Variants in CHST3 observed in about 807,000 individuals in gnomAD.
CHST3 encodes the protein carbohydrate sulfotransferase 3.
Under a neutral mutation model 35.4 loss-of-function variants are expected in CHST3, and 20 were observed. That is an observed-to-expected ratio of 0.57 (90% CI 0.40 to 0.82). CHST3 has a LOEUF of 0.82. CHST3 is among the 40% of genes least tolerant of loss of function. The probability of loss-of-function intolerance (pLI) is 0.00; values close to 1 mark genes in which losing one functional copy is unlikely to be tolerated. For synonymous variants in CHST3, 334 were observed against 295.9 expected (o/e 1.13, Z -1.32); for missense variants, 693 against 670.1 (o/e 1.03, Z -0.38).
chr10:71,977,880 G>A (rs1256580226), intron 1 of CHST3, among the ~76,000 whole-genome samples: 1 of 152,140 alleles, frequency 6.6e-6, no homozygotes, highest in African/African-American at 2.4e-5. Flanking sequence ...ATGTTGGCCA[G>A]GCTGATTTTT....
rs1298659508 is a variant in CHST3, at chr10:72,007,389, G to A, written c.358G>A (p.Glu120Lys). The A allele has an allele frequency of 2.5e-6, 4 of 1,606,180 alleles. No individual in the cohort carries two copies. The African/African-American group carries it at 5.3e-5, about 21-fold the overall frequency. The change falls in exon 3 of 3, where the codon GAG becomes AAG. Residue 120 changes from glutamate to lysine, a missense_variant. Transcript: ENST00000373115. ...AGEEEEEQRK[E>K]EEPPRPAVAG... ...GGAGGAAGAGGAAGAGCAGAGAAAGGAGGAGGAGCCGCCCAGACCGGCCGT... is the reference window on the plus strand; with the variant it reads ...GGAGGAAGAGGAAGAGCAGAGAAAGAAGGAGGAGCCGCCCAGACCGGCCGT...
intron 2 of CHST3, among the ~76,000 whole-genome samples, chr10:72,006,364 G>A (rs1358539079): frequency 6.6e-6 from 1 of 152,254 alleles, no homozygotes; most frequent in Non-Finnish European, 1.5e-5. Context: ...CTGGCACATA[G>A]TTGGTGTCCA....
intron 1 of CHST3, among the ~76,000 whole-genome samples, chr10:71,965,081 C>T (rs1288168601): frequency 1.3e-5 from 2 of 152,190 alleles, no homozygotes; most frequent in African/African-American, 4.8e-5. Flanking sequence ...TTGTCTGCTG[C>T]CCCCGCAGCC....
rs1441408007 is a variant in CHST3, at chr10:72,008,354, G to A, written c.1323G>A (p.Gln441=). The A allele has an allele frequency of 6.4e-7, 1 of 1,564,914 alleles. No individual in the cohort carries two copies. Residue 441 remains glutamine, a synonymous_variant, in exon 3 of 3, where the codon CAG becomes CAA. Transcript: ENST00000373115. The stretch of plus-strand genomic sequence containing the variant: ...CCTTCAAGCTGGCCCAGGTGGTGCA[G>A]GCCGCCTGCGGCCCTGCCATGCGCC... The part of the protein sequence containing the change: ...SMPFKLAQVV[Q]AACGPAMRLF...
Position 72,005,974 on chromosome 10 carries a change from C to T in CHST3, c.132C>T (p.Ile44=), listed in dbSNP as rs779050622. 2 of 1,598,102 alleles carry T rather than the reference C, an allele frequency of 1.3e-6. No homozygotes were observed. Among genetic ancestry groups the T allele is most frequent in the Non-Finnish European group, 8.5e-7 (1 of 1,170,456 alleles). ...VFVFIEKENK[I]ISRVSDKLKQ... ...TCTTCATCGAAAAGGAAAATAAAAT[C>T]ATATCAAGGTGAGGGTTGCAAGCCC... is the stretch of plus-strand genomic sequence containing the variant. The change falls in exon 2 of 3, where the codon ATC becomes ATT. Residue 44 remains isoleucine (I), a synonymous_variant. Coordinates refer to ENST00000373115, the MANE Select transcript of CHST3 (RefSeq NM_004273.5).
intron 2 of CHST3, among the ~76,000 whole-genome samples, chr10:72,006,265 G>A (rs1051599576): frequency 6.6e-5 from 10 of 152,154 alleles, no homozygotes; most frequent in Non-Finnish European, 1.3e-4. Flanking sequence ...CTGAGTCTTC[G>A]GTTCCTCTTT....
chr10:71,994,393 A>C lies in CHST3; in HGVS notation c.-107-11343A>C, dbSNP rs541060404. ...AACATTACTCTCCTCTTACCTGTCCATCAGAGCTCTTGGGAGACCAGGTGC... is the reference window on the plus strand; with the variant it reads ...AACATTACTCTCCTCTTACCTGTCCCTCAGAGCTCTTGGGAGACCAGGTGC... On this transcript the variant is annotated intron_variant, in intron 1 of 2. Transcript: ENST00000373115. Among the ~76,000 whole-genome samples the C allele has an allele frequency of 2.0e-5, 3 of 152,362 alleles. No homozygotes were observed. The East Asian group carries it at 5.8e-4, about 29-fold the overall frequency.
chr10:71,972,321 A>G (rs1839703595), intron 1 of CHST3, among the ~76,000 whole-genome samples: 1 of 152,082 alleles, frequency 6.6e-6, no homozygotes. Context: ...GCACACAGGC[A>G]TTCATTTTCA....
Position 71,984,171 on chromosome 10 carries a change from C to T in CHST3, c.-108+19477C>T, listed in dbSNP as rs975032707. Reference sequence around the variant, plus strand: ...TCGAGTAGCTGGGATTACAGGCATGCGCCACCGCACCCAGCTAATTATTGT... The same window carrying T: ...TCGAGTAGCTGGGATTACAGGCATGTGCCACCGCACCCAGCTAATTATTGT... On this transcript the variant is annotated intron_variant, in intron 1 of 2. Coordinates refer to ENST00000373115, the MANE Select transcript of CHST3 (RefSeq NM_004273.5). Among the ~76,000 whole-genome samples the T allele has an allele frequency of 4.6e-5, 7 of 152,264 alleles. No individual in the cohort carries two copies. In the East Asian group the frequency reaches 5.8e-4, roughly 13 times the overall value.
rs1238527979 is a variant in CHST3, at chr10:71,964,426, G to T, written c.-376G>T. On this transcript the variant is annotated 5_prime_UTR_variant, in exon 1 of 3. Transcript: ENST00000373115. ...CGGCTCGGGCCTGAGCGGGGAGGGC[G>T]CCAGGCAGGACCTCTCGCAGGCTCG... 2 of 152,270 alleles carry T rather than the reference G, an allele frequency of 1.3e-5. No individual in the cohort carries two copies. Among genetic ancestry groups the T allele is most frequent in the Non-Finnish European group, 1.5e-5 (1 of 68,084 alleles). The allele number at this position is 152,270 out of a possible 1,614,324, so 9.4% of individuals were successfully genotyped here.
chr10:71,979,587 T>C (rs1839781467), intron 1 of CHST3, among the ~76,000 whole-genome samples: 2 of 152,134 alleles, frequency 1.3e-5, no homozygotes, highest in Admixed American at 1.3e-4. Context: ...AGGCTCATGG[T>C]TGCCACCCTC....
At chr10:71,973,614 C>T (rs948222227) in intron 1 of CHST3, among the ~76,000 whole-genome samples, 3 of 152,192 alleles carry the variant, frequency 2.0e-5, no homozygotes, top group Non-Finnish European at 4.4e-5. Flanking sequence ...ATCACCTGTC[C>T]AGGTCCTGCG....
rs1342185490 is a variant in CHST3 at position 72,012,000 on chromosome 10, G to A, written c.*3529G>A. ...CACCGAGTTATTTTCCAAAAGCTGA[G>A]GAACATAAAGCAAATTTAGGCTTTT... On this transcript the variant is annotated 3_prime_UTR_variant, in exon 3 of 3. Transcript: ENST00000373115. 3.3e-5 allele frequency: 5 copies of A among 152,220 alleles called. No individual in the cohort carries two copies. The highest frequency in any genetic ancestry group is 7.3e-5 in the Non-Finnish European group (5 of 68,050). 9.4% of individuals were successfully genotyped at this position (152,220 alleles called of 1,614,324 possible). A position where few individuals can be genotyped will look rare whatever the true frequency, so the allele number is the denominator to read the frequency against.
intron 1 of CHST3, among the ~76,000 whole-genome samples, chr10:71,997,033 T>G (rs1232806520): frequency 6.6e-6 from 1 of 152,134 alleles, no homozygotes; most frequent in African/African-American, 2.4e-5. Context: ...GGCCGTTGTT[T>G]ATTTATTTAT....
chr10:71,977,642 A>T lies in CHST3; in HGVS notation c.-108+12948A>T, dbSNP rs118124945. 1.3e-3 allele frequency among the ~76,000 whole-genome samples: 198 copies of T among 147,954 alleles called. 2 individuals carry two copies. In the East Asian group the frequency reaches 0.036, roughly 27 times the overall value. ...TTTTTTTTAGAGAAGGGGTCTTTCT[A>T]TGTTGCCCAGGCTGGAGCTTGATTG... is the stretch of plus-strand genomic sequence containing the variant. On this transcript the variant is annotated intron_variant, in intron 1 of 2. Transcript: ENST00000373115.
At chr10:71,972,587 A>AG (rs2131738801) in intron 1 of CHST3, among the ~76,000 whole-genome samples, 1 of 152,266 alleles carries the variant, frequency 6.6e-6, no homozygotes, top group Non-Finnish European at 1.5e-5. Flanking sequence ...TCAGTTAGCA[A>AG]GGGGGAGCTG....
intron 1 of CHST3, among the ~76,000 whole-genome samples, chr10:71,984,479 C>A (rs1839828715): frequency 6.6e-6 from 1 of 152,222 alleles, no homozygotes; most frequent in African/African-American, 2.4e-5. Flanking sequence ...CACAAAGCCA[C>A]ACCACAAGTT....
chr10:71,967,975 A>ATTTTTTTTTTTTTT lies in CHST3; in HGVS notation c.-108+3283_-108+3296dup, dbSNP rs61420934. On this transcript the variant is annotated intron_variant, in intron 1 of 2. Coordinates refer to ENST00000373115, the MANE Select transcript of CHST3 (RefSeq NM_004273.5). The stretch of plus-strand genomic sequence containing the variant: ...AGGCGTGCACCACCATGCGTGGCTA[A>ATTTTTTTTTTTTTT]TTTTTTTTTTTTTTTGTATTTTAGT... Among the ~76,000 whole-genome samples, 9 of 142,036 alleles carry ATTTTTTTTTTTTTT rather than the reference A, an allele frequency of 6.3e-5. 1 individual carries two copies. Among genetic ancestry groups the ATTTTTTTTTTTTTT allele is most frequent in the Admixed American group, 7.1e-5 (1 of 14,062 alleles). 93.2% of individuals were successfully genotyped at this position (142,036 alleles called of 152,430 possible).
chr10:71,976,282 T>C (rs1386517195), intron 1 of CHST3, among the ~76,000 whole-genome samples: 1 of 152,168 alleles, frequency 6.6e-6, no homozygotes, highest in Non-Finnish European at 1.5e-5. Context: ...AGGGCCTCAC[T>C]GCGGTGACTC....
Sources: gnomAD v4.1 joint callset for allele counts (sites outside exome capture counted in the v4.1 genomes callset) on GRCh38, gnomAD v4.1.1 for gene constraint, MANE v1.5 for transcripts, NCBI Gene and HGNC (gene_info 2026-07-23, HGNC 2026-07-21) for gene names.